TOMM34: variants seen among roughly 807,000 people sequenced by gnomAD.
TOMM34 encodes translocase of outer mitochondrial membrane 34, also known as mitochondrial import receptor subunit TOM34.
A neutral mutation model predicts 37.4 loss-of-function variants in TOMM34; 24 were observed. The observed-to-expected ratio is 0.64, with a 90% CI of 0.46 to 0.90. The LOEUF (loss-of-function observed/expected upper bound fraction) is 0.90, where lower values mean the gene tolerates loss of function less well. TOMM34 is among the 40% of genes least tolerant of loss of function. The pLI, the probability that TOMM34 is intolerant of heterozygous loss-of-function variation, is 0.00. For missense variants in TOMM34, 304 were observed against 375.6 expected (o/e 0.81, Z 1.58); for synonymous variants, 154 against 148.9 (o/e 1.03, Z -0.25).
At chr20:44,948,621 A>G (rs1568660127) in intron 5 of TOMM34, 109 bp downstream of exon 5, 8 of 1,376,710 alleles carry the variant, frequency 5.8e-6, no homozygotes, top group Non-Finnish European at 8.0e-6. Flanking sequence ...GTTTTCAGCC[A>G]TAACATACTT....
At chr20:44,956,330 C>T (rs1177236792) in intron 2 of TOMM34, 56 bp downstream of exon 2, 1 of 1,544,948 alleles carries the variant, frequency 6.5e-7, no homozygotes, top group Non-Finnish European at 8.9e-7. Flanking sequence ...GCCAGATTAA[C>T]CCAGCCTCCT....
intron 2 of TOMM34, among the ~76,000 whole-genome samples, chr20:44,956,067 TG>T (rs1283248958): frequency 6.6e-6 from 1 of 152,164 alleles, no homozygotes; most frequent in Non-Finnish European, 1.5e-5. Flanking sequence ...GAAAAGCACC[TG>T]GGCAAGCCAG....
chr20:44,952,530 A>T, intron 3 of TOMM34: 1 of 711,270 alleles, frequency 1.4e-6, no homozygotes, highest in Non-Finnish European at 2.6e-6. Context: ...TTCTCTTCTG[A>T]TCCTTCTGTT....
chr20:44,947,753 T>A (rs1838673680), intron 5 of TOMM34, among the ~76,000 whole-genome samples: 1 of 152,176 alleles, frequency 6.6e-6, no homozygotes, highest in Non-Finnish European at 1.5e-5. Flanking sequence ...TCCCGGAGCC[T>A]CAGCCTCCCA....
rs915840554 is a variant in TOMM34, at chr20:44,942,487, A to G, written c.*622T>C. ...TGCAGAAGGCAGCAGCACAGAGTCA[A>G]GGACAACCATTCAAGGGTCAGGGCT... is the stretch of plus-strand genomic sequence containing the variant. On this transcript the variant is annotated 3_prime_UTR_variant, in exon 7 of 7. Transcript: ENST00000372813. 2 of 153,486 alleles carry G rather than the reference A, an allele frequency of 1.3e-5. No individual in the cohort carries two copies. The highest frequency in any genetic ancestry group is 4.8e-5 in the African/African-American group (2 of 41,460). The allele number at this position is 153,486 out of a possible 1,614,324, so 9.5% of individuals were successfully genotyped here.
At chr20:44,945,968 C>T (rs1474042256) in intron 5 of TOMM34, among the ~76,000 whole-genome samples, 1 of 152,146 alleles carries the variant, frequency 6.6e-6, no homozygotes, top group Non-Finnish European at 1.5e-5. Flanking sequence ...AGCGATTCTC[C>T]TACTTCAGCC....
Position 44,943,231 on chromosome 20 carries a change from AGGAGTGT to A in TOMM34, c.826-25_826-19del, listed in dbSNP as rs1286673482. ...TTATAGTCCTAATAGAAGAAAAGAC[AGGAGTGT>A]GGGGGAAGGTTCCCGGACTGGGGTG... On this transcript the variant is annotated intron_variant, in intron 6 of 6. Transcript: ENST00000372813. 1 of 1,613,754 alleles carries A rather than the reference AGGAGTGT, an allele frequency of 6.2e-7. No homozygotes were observed. The highest frequency in any genetic ancestry group is 8.5e-7 in the Non-Finnish European group (1 of 1,179,720).
At chr20:44,944,461 A>G (rs1001317276) in intron 5 of TOMM34, among the ~76,000 whole-genome samples, 4 of 152,216 alleles carry the variant, frequency 2.6e-5, no homozygotes, top group African/African-American at 9.6e-5. Flanking sequence ...ATTTCCTATC[A>G]AGAGGTATTT....
chr20:44,952,469 A>G (rs1299823921), intron 3 of TOMM34, among the ~76,000 whole-genome samples: 1 of 152,196 alleles, frequency 6.6e-6, no homozygotes, highest in African/African-American at 2.4e-5. Context: ...CTAATGTGGC[A>G]TGTGAGATCT....
At chr20:44,956,686 A>C (rs1436986932) in intron 1 of TOMM34, among the ~76,000 whole-genome samples, 1 of 152,154 alleles carries the variant, frequency 6.6e-6, no homozygotes, top group Non-Finnish European at 1.5e-5. Flanking sequence ...TTTGCCATTC[A>C]AAGGGAACCA....
Position 44,955,464 on chromosome 20 carries a change from A to G in TOMM34, c.228-244T>C, listed in dbSNP as rs1006231339. On this transcript the variant is annotated intron_variant, in intron 2 of 6. Coordinates refer to ENST00000372813, the MANE Select transcript of TOMM34 (RefSeq NM_006809.5). ...TGTGTGTGCACATGCATCAATTTTC[A>G]TAGTTTCAGTTCCCCCAAAATCAAG... is the stretch of plus-strand genomic sequence containing the variant. 1.2e-4 allele frequency: 75 copies of G among 625,080 alleles called. 1 individual carries two copies. The highest frequency in any genetic ancestry group is 5.0e-4 in the South Asian group (33 of 65,858). The allele number at this position is 625,080 out of a possible 1,614,324, so 38.7% of individuals were successfully genotyped here.
intron 5 of TOMM34, among the ~76,000 whole-genome samples, chr20:44,945,318 C>G (rs2066970975): frequency 6.6e-6 from 1 of 152,180 alleles, no homozygotes; most frequent in African/African-American, 2.4e-5. Flanking sequence ...AAGACAGGCA[C>G]AAATTCTTTG....
intron 3 of TOMM34, 26 bp from the exon 4 acceptor site, chr20:44,952,028 G>C (rs1350620092): frequency 6.3e-7 from 1 of 1,594,690 alleles, no homozygotes; most frequent in Non-Finnish European, 8.5e-7. Flanking sequence ...GGATTGCAGG[G>C]AGGTTTCCAG....
chr20:44,952,775 C>T (rs1223641903), intron 3 of TOMM34: 2 of 690,126 alleles, frequency 2.9e-6, no homozygotes, highest in African/African-American at 1.8e-5. Context: ...TAACTGTATA[C>T]TTTTTCTGCT....
intron 5 of TOMM34, among the ~76,000 whole-genome samples, chr20:44,946,292 G>T (rs2066980521): frequency 6.6e-6 from 1 of 152,182 alleles, no homozygotes; most frequent in African/African-American, 2.4e-5. Context: ...AGGGTCATGT[G>T]AGACTTCTAA....
intron 3 of TOMM34, chr20:44,952,640 T>G (rs149951772): frequency 1.4e-6 from 1 of 717,544 alleles, no homozygotes; most frequent in Non-Finnish European, 2.6e-6. Context: ...ACTTATTCTT[T>G]AGATTTCAGC....
chr20:44,952,725 C>A, intron 3 of TOMM34: 1 of 715,980 alleles, frequency 1.4e-6, no homozygotes, highest in Admixed American at 2.0e-5. Context: ...TAGCAACCAC[C>A]AAGGCCCAAT....
In TOMM34 at chr20:44,960,252, C is replaced by T. The variant is rs1161442240; in HGVS notation, c.82G>A (p.Ala28Thr). ...AGCGCGCGGCCGTAGAGCGCGGAGG[C>T]CTCGGCGTACTGGCCGTTGCGGAAA... is the stretch of plus-strand genomic sequence containing the variant. ...ESFRNGQYAE[A>T]SALYGRALRV... Residue 28 changes from alanine to threonine, a missense_variant, in exon 1 of 7, where the codon GCC (alanine) becomes ACC (threonine). Physicochemically the swap from Ala to Thr is moderately conservative, Grantham distance 58 (BLOSUM62 0). Coordinates refer to ENST00000372813, the MANE Select transcript of TOMM34 (RefSeq NM_006809.5). 6.4e-7 allele frequency: 1 copy of T among 1,569,502 alleles called. No homozygotes were observed. Among genetic ancestry groups the T allele is most frequent in the Non-Finnish European group, 8.6e-7 (1 of 1,158,150 alleles).
chr20:44,943,115 T>C lies in TOMM34; in HGVS notation c.924A>G (p.Leu308=), dbSNP rs556107448. 2 of 1,614,082 alleles carry C rather than the reference T, an allele frequency of 1.2e-6. No individual in the cohort carries two copies. The highest frequency in any genetic ancestry group is 1.7e-6 in the Non-Finnish European group (2 of 1,180,014). ...CAGTTGCCCTGTTGGGTTTTTAGTG[T>C]AGGTTCTGCTTCACTTCCTGCCGCA... ...QKLRQEVKQN[L]H The change falls in exon 7 of 7, where the codon CTA becomes CTG. Residue 308 remains leucine (L), a synonymous_variant. Transcript: ENST00000372813.
Sources: allele counts gnomAD v4.1 joint callset (sites outside exome capture counted in the v4.1 genomes callset), GRCh38; gene constraint gnomAD v4.1.1; transcripts MANE v1.5; gene names NCBI Gene and HGNC (gene_info 2026-07-23, HGNC 2026-07-21).